The following KLHDC1 variants were observed in gnomAD, a reference collection of about 807,000 sequenced individuals.
KLHDC1 encodes the protein kelch domain containing 1.
In KLHDC1, 53 loss-of-function variants were observed where a neutral mutation model predicts 68.3. That is an observed-to-expected ratio of 0.78 (90% CI 0.62 to 0.98). The LOEUF is 0.98. Among genes scored for constraint, KLHDC1 ranks in the 50% least tolerant of loss-of-function variants. The pLI, the probability that KLHDC1 is intolerant of heterozygous loss-of-function variation, is 0.00. For synonymous variants in KLHDC1, 148 were observed against 159.0 expected (o/e 0.93, Z 0.52); for missense variants, 470 against 492.3 (o/e 0.95, Z 0.43).
chr14:49,698,652 A>T (rs912263773), intron 1 of KLHDC1, among the ~76,000 whole-genome samples: 1 of 151,624 alleles, frequency 6.6e-6, no homozygotes, highest in African/African-American at 2.4e-5. Flanking sequence ...AGAAGCTGGG[A>T]TTACAGGCAC....
intron 8 of KLHDC1, among the ~76,000 whole-genome samples, chr14:49,730,748 G>A (rs1400658781): frequency 6.6e-6 from 1 of 152,072 alleles, no homozygotes; most frequent in Non-Finnish European, 1.5e-5. Context: ...CGAGGCAGGT[G>A]GATCACCTGA....
intron 1 of KLHDC1, among the ~76,000 whole-genome samples, chr14:49,693,748 C>CTTTTTCTTTTT (rs1555337323): frequency 1.6e-5 from 1 of 61,540 alleles, no homozygotes; most frequent in African/African-American, 5.4e-5. Context: ...TTTTCTTTTT[C>CTTTTTCTTTTT]TTTTTTTTTT....
chr14:49,716,167 A>G (rs1888371666), intron 4 of KLHDC1, among the ~76,000 whole-genome samples: 2 of 152,314 alleles, frequency 1.3e-5, no homozygotes, highest in Middle Eastern at 3.4e-3. Flanking sequence ...GCTCGTATAA[A>G]GGGAGTATCT....
chr14:49,731,643 T>C (rs1369583828), intron 8 of KLHDC1, among the ~76,000 whole-genome samples: 1 of 151,904 alleles, frequency 6.6e-6, no homozygotes, highest in African/African-American at 2.4e-5. Flanking sequence ...CTATAACTTA[T>C]GTTTTTATTT....
Position 49,711,198 on chromosome 14 carries a change from GTTTA to G in KLHDC1, c.404+833_404+836del, listed in dbSNP as rs553856966. On this transcript the variant is annotated intron_variant, in intron 4 of 12. Coordinates refer to ENST00000359332, the MANE Select transcript of KLHDC1 (RefSeq NM_172193.3). ...ACTTTATTTATTTATTTATTTGTTT[GTTTA>G]TTTATTTATTTATTTTTGTGACAGA... Among the ~76,000 whole-genome samples the G allele has an allele frequency of 9.3e-5, 14 of 151,250 alleles. No individual in the cohort carries two copies. In the South Asian group the frequency reaches 1.3e-3, roughly 14 times the overall value.
rs150517471 is a variant in KLHDC1, at chr14:49,728,079, T to C, written c.568-847T>C. Among the ~76,000 whole-genome samples the C allele has an allele frequency of 7.0e-4, 106 of 152,320 alleles. 2 individuals are homozygous for C. The East Asian group carries it at 0.018, about 25-fold the overall frequency. On this transcript the variant is annotated intron_variant, in intron 6 of 12. Transcript: ENST00000359332. ...GCTCACGCCTGTAATCTCAGCACTTTGGGAGGTTGAGGCAGGCAGATCGCT... is the reference window on the plus strand; with the variant it reads ...GCTCACGCCTGTAATCTCAGCACTTCGGGAGGTTGAGGCAGGCAGATCGCT...
chr14:49,711,637 C>T (rs968284245), intron 4 of KLHDC1, among the ~76,000 whole-genome samples: 1 of 152,116 alleles, frequency 6.6e-6, no homozygotes, highest in Non-Finnish European at 1.5e-5. Flanking sequence ...TGCGCCTGGC[C>T]TTCTTTCCTA....
chr14:49,724,987 A>C (rs1025381904), intron 5 of KLHDC1, among the ~76,000 whole-genome samples: 2 of 152,236 alleles, frequency 1.3e-5, no homozygotes, highest in East Asian at 3.9e-4. Context: ...ATTTAAATAA[A>C]ATTTAAAAAT....
At chr14:49,725,608 A>G in intron 5 of KLHDC1, 78 bp from the exon 6 acceptor site, 1 of 793,584 alleles carries the variant, frequency 1.3e-6, no homozygotes, top group Non-Finnish European at 2.0e-6. Context: ...TTATTTTACC[A>G]GTAAATATGT....
At chr14:49,704,438 G>A (rs1216248272) in intron 1 of KLHDC1, among the ~76,000 whole-genome samples, 2 of 111,120 alleles carry the variant, frequency 1.8e-5, no homozygotes, top group East Asian at 3.2e-4. Flanking sequence ...TTGTCGCCCC[G>A]GCTGGAGTGC....
Position 49,732,810 on chromosome 14 carries a change from C to T in KLHDC1, c.817C>T (p.Pro273Ser), listed in dbSNP as rs777612491. The T allele has an allele frequency of 1.4e-6, 2 of 1,438,824 alleles. No individual in the cohort carries two copies. The highest frequency in any genetic ancestry group is 2.0e-6 in the Non-Finnish European group (2 of 1,022,418). The allele number at this position is 1,438,824 out of a possible 1,614,324, so 89.1% of individuals were successfully genotyped here. A position where few individuals can be genotyped will look rare whatever the true frequency, so the allele number is the denominator to read the frequency against. The change falls in exon 9 of 13, where the codon CCA becomes TCA. Residue 273 changes from proline to serine, a missense_variant. Physicochemically the swap from Pro to Ser is moderately conservative, Grantham distance 74 (BLOSUM62 -1). Transcript: ENST00000359332. Reference protein sequence around the residue: ...LCGGLSADNIPLSDGWIHNVT... With the variant: ...LCGGLSADNISLSDGWIHNVT... ...TGGTGGACTAAGTGCAGATAATATC[C>T]CATTAAGTAAGTTGATTAAGGTTTA... is the stretch of plus-strand genomic sequence containing the variant.
intron 7 of KLHDC1, 69 bp downstream of exon 7, chr14:49,729,078 C>T (rs1450566050): frequency 1.4e-5 from 15 of 1,047,866 alleles, no homozygotes; most frequent in East Asian, 9.5e-5. Context: ...CCTCTGATTT[C>T]GTGGAATAAT....
At chr14:49,723,976 A>G (rs1888603875) in intron 5 of KLHDC1, 24 bp downstream of exon 5, 1 of 1,399,530 alleles carries the variant, frequency 7.1e-7, no homozygotes, top group Admixed American at 1.9e-5. Context: ...CACTGTTTAC[A>G]TTTTCCTCCA....
chr14:49,704,387 GTTTTT>G (rs35067251), intron 1 of KLHDC1, among the ~76,000 whole-genome samples: 1 of 68,688 alleles, frequency 1.5e-5, no homozygotes, highest in East Asian at 4.6e-4. Context: ...TTCCTTTTCT[GTTTTT>G]TTTTTTTTTT....
intron 1 of KLHDC1, among the ~76,000 whole-genome samples, chr14:49,697,566 C>T (rs1887780377): frequency 6.6e-6 from 1 of 152,174 alleles, no homozygotes; most frequent in Non-Finnish European, 1.5e-5. Context: ...GCAGGGTTGC[C>T]ACAAACCTTC....
chr14:49,698,891 C>T (rs974820439), intron 1 of KLHDC1, among the ~76,000 whole-genome samples: 39 of 151,194 alleles, frequency 2.6e-4, no homozygotes, highest in African/African-American at 8.7e-4. Context: ...TCTTGACGAG[C>T]GTGGTGGCTC....
intron 10 of KLHDC1, among the ~76,000 whole-genome samples, chr14:49,739,575 G>T (rs773810519): frequency 5.9e-5 from 9 of 152,152 alleles, no homozygotes; most frequent in African/African-American, 2.2e-4. Flanking sequence ...GGGGAACATA[G>T]AGTAGGAAAA....
rs372830583 is a variant in KLHDC1 at position 49,744,099 on chromosome 14, C to T, written c.1034+294C>T. Among the ~76,000 whole-genome samples, 30 of 141,576 alleles carry T rather than the reference C, an allele frequency of 2.1e-4. No homozygotes were observed. The East Asian group carries it at 4.0e-3, about 19-fold the overall frequency. The allele number at this position is 141,576 out of a possible 152,430, so 92.9% of individuals were successfully genotyped here. Reference sequence around the variant, plus strand: ...AGGAGTTCAAGACCAGTGTGGGTAACATTGTGAAACCCACGACTCTACAAA... The same window carrying T: ...AGGAGTTCAAGACCAGTGTGGGTAATATTGTGAAACCCACGACTCTACAAA... On this transcript the variant is annotated intron_variant, in intron 12 of 12. Transcript: ENST00000359332.
chr14:49,729,520 A>T lies in KLHDC1; in HGVS notation c.682A>T (p.Asn228Tyr), dbSNP rs772434400. 4 of 1,611,002 alleles carry T rather than the reference A, an allele frequency of 2.5e-6. No individual in the cohort carries two copies. The highest frequency in any genetic ancestry group is 3.4e-6 in the Non-Finnish European group (4 of 1,177,488). Residue 228 changes from asparagine (N) to tyrosine (Y), a missense_variant, in exon 8 of 13, where the codon AAC (asparagine) becomes TAC (tyrosine). Coordinates refer to ENST00000359332, the MANE Select transcript of KLHDC1 (RefSeq NM_172193.3). ...QTRMNDLHYL[N>Y]LDTWTWSGRI... ...TAGGATGAATGATTTGCACTATCTAAACCTAGACACCTGGACTTGGTCTGG... is the reference window on the plus strand; with the variant it reads ...TAGGATGAATGATTTGCACTATCTATACCTAGACACCTGGACTTGGTCTGG...
Sources: gnomAD v4.1 joint callset for allele counts (sites outside exome capture counted in the v4.1 genomes callset) on GRCh38, gnomAD v4.1.1 for gene constraint, MANE v1.5 for transcripts, NCBI Gene and HGNC (gene_info 2026-07-23, HGNC 2026-07-21) for gene names.